DENR: variants seen among roughly 807,000 people sequenced by gnomAD.
DENR encodes density regulated re-initiation and release factor.
A neutral mutation model predicts 30.6 loss-of-function variants in DENR; 6 were observed. That is an observed-to-expected ratio of 0.20 (90% CI 0.11 to 0.39). DENR has a LOEUF of 0.39. DENR is among the 10% of genes least tolerant of loss of function. DENR has a pLI of 1.00. For synonymous variants in DENR, 78 were observed against 72.1 expected (o/e 1.08, Z -0.41); for missense variants, 141 against 230.9 (o/e 0.61, Z 2.52).
intron 2 of DENR, among the ~76,000 whole-genome samples, chr12:122,757,605 G>C (rs1242052318): frequency 6.6e-6 from 1 of 152,190 alleles, no homozygotes; most frequent in Admixed American, 6.5e-5. Flanking sequence ...TCCAAGACAA[G>C]CCATTATAAC....
rs1213131252 is a variant in DENR at position 122,769,158 on chromosome 12, A to G, written c.*80A>G. ...GGGAGAGAGGCCTTTTAAAATATAT[A>G]TATATATACACATATATATGTATAT... On this transcript the variant is annotated 3_prime_UTR_variant, in exon 8 of 8. Coordinates refer to ENST00000280557, the MANE Select transcript of DENR (RefSeq NM_003677.5). The G allele has an allele frequency of 1.1e-5, 15 of 1,325,434 alleles. 1 individual carries two copies. Among genetic ancestry groups the G allele is most frequent in the East Asian group, 5.7e-5 (2 of 35,030 alleles). The allele number at this position is 1,325,434 out of a possible 1,614,324, so 82.1% of individuals were successfully genotyped here.
At chr12:122,760,211 A>G (rs991914647) in intron 2 of DENR, among the ~76,000 whole-genome samples, 1 of 152,212 alleles carries the variant, frequency 6.6e-6, no homozygotes, top group Non-Finnish European at 1.5e-5. Flanking sequence ...GCAAGTGGTT[A>G]TGTACTCTAA....
intron 5 of DENR, 134 bp downstream of exon 5, chr12:122,765,521 G>A: frequency 1.4e-6 from 1 of 726,692 alleles, no homozygotes; most frequent in Non-Finnish European, 2.3e-6. Flanking sequence ...GGGGGCTGAG[G>A]CAGGAGGATC....
rs1878965075 is a variant in DENR, at chr12:122,769,320, A to ATATATACACATATATGTATACG, written c.*248_*249insCACATATATGTATACGTATATA. On this transcript the variant is annotated 3_prime_UTR_variant, in exon 8 of 8. Coordinates refer to ENST00000280557, the MANE Select transcript of DENR (RefSeq NM_003677.5). ...TATACATATATACACATATGTATACATATATATATATTCTACAGTAAAACT... is the reference window on the plus strand; with the variant it reads ...TATACATATATACACATATGTATACATATATACACATATATGTATACGTATATATATATTCTACAGTAAAACT... 1 of 869,042 alleles carries ATATATACACATATATGTATACG rather than the reference A, an allele frequency of 1.2e-6. No homozygotes were observed. The highest frequency in any genetic ancestry group is 2.5e-5 in the African/African-American group (1 of 40,498). The allele number at this position is 869,042 out of a possible 1,614,324, so 53.8% of individuals were successfully genotyped here.
intron 2 of DENR, among the ~76,000 whole-genome samples, chr12:122,761,492 T>G (rs1878699310): frequency 6.6e-6 from 1 of 151,876 alleles, no homozygotes; most frequent in African/African-American, 2.4e-5. Flanking sequence ...TCAGTATGAA[T>G]AAAAAGTGGT....
At position 122,770,256 on chromosome 12, in the gene DENR, T is replaced by A. The variant is rs1209834431; in HGVS notation, c.*1178T>A. The A allele has an allele frequency of 2.9e-5, 5 of 171,104 alleles. No homozygotes were observed. The highest frequency in any genetic ancestry group is 6.2e-5 in the Non-Finnish European group (5 of 80,936). The allele number at this position is 171,104 out of a possible 1,614,324, so 10.6% of individuals were successfully genotyped here. A position where few individuals can be genotyped will look rare whatever the true frequency, so the allele number is the denominator to read the frequency against. On this transcript the variant is annotated 3_prime_UTR_variant, in exon 8 of 8. Transcript: ENST00000280557. ...TCACAATATTATTTATAATAAAAAA[T>A]TGCAAATGTTATAAATGAACAATTG...
At chr12:122,762,027 A>C (rs1406957064) in intron 2 of DENR, among the ~76,000 whole-genome samples, 160 bp from the exon 3 acceptor site, 1 of 152,194 alleles carries the variant, frequency 6.6e-6, no homozygotes, top group Non-Finnish European at 1.5e-5. Context: ...CTTTTACCCC[A>C]AAAACACTGA....
In DENR at chr12:122,765,316, A is replaced by C; in HGVS notation, c.224A>C (p.Lys75Thr). Residue 75 changes from lysine (K) to threonine (T), a missense_variant, in exon 5 of 8, where the codon AAA (lysine) becomes ACA (threonine). By Grantham distance (78) the Lys-to-Thr change is moderately conservative (BLOSUM62 -1). Coordinates refer to ENST00000280557, the MANE Select transcript of DENR (RefSeq NM_003677.5). Reference protein sequence around the residue: ...FAKLTVENSPKQEAGISEGQG... With the variant: ...FAKLTVENSPTQEAGISEGQG... The stretch of plus-strand genomic sequence containing the variant: ...CTTTTATATCTAGAAAATTCACCCA[A>C]ACAAGAAGCTGGAATTAGTGAGGGT... 1 of 1,551,676 alleles carries C rather than the reference A, an allele frequency of 6.4e-7. No homozygotes were observed.
In DENR at chr12:122,761,338, G is replaced by A. The variant is rs899202443; in HGVS notation, c.107-849G>A. The stretch of plus-strand genomic sequence containing the variant: ...GAGGCAGGAGAATTTCTTGAGCCCA[G>A]GAGACAGAAGTTGCAGTGAGCCGAG... On this transcript the variant is annotated intron_variant, in intron 2 of 7. Transcript: ENST00000280557. Among the ~76,000 whole-genome samples the A allele has an allele frequency of 2.0e-5, 3 of 152,154 alleles. No individual in the cohort carries two copies. The East Asian group carries it at 5.8e-4, about 29-fold the overall frequency.
chr12:122,765,474 A>G (rs2135512087), intron 5 of DENR, 87 bp downstream of exon 5: 1 of 1,239,182 alleles, frequency 8.1e-7, no homozygotes, highest in Middle Eastern at 1.9e-4. Context: ...TCCCAAAGCT[A>G]GGCACAATGG....
In DENR at chr12:122,769,294, GTATACATATATACACATATGTATACA is replaced by G; in HGVS notation, c.*221_*246del. 1 of 753,258 alleles carries G rather than the reference GTATACATATATACACATATGTATACA, an allele frequency of 1.3e-6. No individual in the cohort carries two copies. The highest frequency in any genetic ancestry group is 1.5e-6 in the Non-Finnish European group (1 of 646,806). The allele number at this position is 753,258 out of a possible 1,614,324, so 46.7% of individuals were successfully genotyped here. On this transcript the variant is annotated 3_prime_UTR_variant, in exon 8 of 8. Coordinates refer to ENST00000280557, the MANE Select transcript of DENR (RefSeq NM_003677.5). ...TATGTATACATATATACACATATAT[GTATACATATATACACATATGTATACA>G]TATATATATATTCTACAGTAAAACT...
chr12:122,761,495 A>G (rs981172754), intron 2 of DENR, among the ~76,000 whole-genome samples: 1 of 152,172 alleles, frequency 6.6e-6, no homozygotes, highest in South Asian at 2.1e-4. Context: ...GTATGAATAA[A>G]AAGTGGTGGC....
intron 2 of DENR, among the ~76,000 whole-genome samples, chr12:122,756,744 G>A (rs1369394323): frequency 6.6e-6 from 1 of 152,176 alleles, no homozygotes; most frequent in Non-Finnish European, 1.5e-5. Flanking sequence ...GGAAATTATG[G>A]CAACGTGGTT....
Sources: gnomAD v4.1 joint callset for allele counts (sites outside exome capture counted in the v4.1 genomes callset) on GRCh38, gnomAD v4.1.1 for gene constraint, MANE v1.5 for transcripts, NCBI Gene and HGNC (gene_info 2026-07-23, HGNC 2026-07-21) for gene names.